PDE1C: variants seen among roughly 807,000 people sequenced by gnomAD.
The protein encoded by PDE1C is dual specificity calcium/calmodulin-dependent 3',5'-cyclic nucleotide phosphodiesterase 1C.
PDE1C carries 62 observed loss-of-function variants against 93.1 expected under a neutral mutation model. The observed-to-expected ratio is 0.67, with a 90% CI of 0.54 to 0.82. The LOEUF (loss-of-function observed/expected upper bound fraction) is 0.82, where lower values mean the gene tolerates loss of function less well. Ranked by LOEUF, PDE1C falls within the 40% of genes least tolerant of loss-of-function variation. The pLI, the probability that PDE1C is intolerant of heterozygous loss-of-function variation, is 0.00. For missense variants in PDE1C, 742 were observed against 884.6 expected (o/e 0.84, Z 2.04); for synonymous variants, 325 against 310.1 (o/e 1.05, Z -0.50).
At chr7:31,776,373 C>T (rs1001573903) in intron 16 of PDE1C, among the ~76,000 whole-genome samples, 2 of 151,954 alleles carry the variant, frequency 1.3e-5, no homozygotes, top group African/African-American at 2.4e-5. Flanking sequence ...TTCACAAATG[C>T]TAGTTTAGTG....
At chr7:32,146,694 T>A (rs1231968395) in intron 3 of PDE1C, among the ~76,000 whole-genome samples, 1 of 152,174 alleles carries the variant, frequency 6.6e-6, no homozygotes, top group Admixed American at 6.6e-5. Flanking sequence ...AGGGAGGAAT[T>A]ATTGTGCCAA....
At chr7:31,940,861 C>T (rs1805739258) in intron 2 of PDE1C, among the ~76,000 whole-genome samples, 2 of 152,106 alleles carry the variant, frequency 1.3e-5, no homozygotes, top group African/African-American at 4.8e-5. Flanking sequence ...CACACAGACC[C>T]TTCAAGTCAT....
intron 2 of PDE1C, among the ~76,000 whole-genome samples, chr7:31,937,499 G>C (rs1002336956): frequency 6.6e-6 from 1 of 152,088 alleles, no homozygotes; most frequent in African/African-American, 2.4e-5. Context: ...GGCATGTCCT[G>C]GTGCTCCCTT....
At chr7:31,973,407 C>A (rs1344558036) in intron 2 of PDE1C, among the ~76,000 whole-genome samples, 1 of 152,098 alleles carries the variant, frequency 6.6e-6, no homozygotes, top group African/African-American at 2.4e-5. Context: ...TAAAACACAT[C>A]ATAAGTAAAA....
intron 2 of PDE1C, among the ~76,000 whole-genome samples, chr7:31,902,893 T>C (rs965336628): frequency 6.6e-6 from 1 of 151,728 alleles, no homozygotes. Context: ...AGTTACCTGA[T>C]AGAGTCTACA....
At chr7:31,679,043 T>A in the PDE1C span, among the ~76,000 whole-genome samples, 1 of 152,188 alleles carries the variant, frequency 6.6e-6, no homozygotes, top group Non-Finnish European at 1.5e-5. Context: ...CCAATCCATA[T>A]CCAAATGAAC....
At chr7:31,682,899 GATTTA>G in the PDE1C span, among the ~76,000 whole-genome samples, 1 of 152,158 alleles carries the variant, frequency 6.6e-6, no homozygotes, top group Non-Finnish European at 1.5e-5. Flanking sequence ...TATACTGTAT[GATTTA>G]ATTTATATAA....
At chr7:31,736,048 T>A in the PDE1C span, among the ~76,000 whole-genome samples, 5 of 151,320 alleles carry the variant, frequency 3.3e-5, no homozygotes, top group African/African-American at 9.8e-5. Flanking sequence ...TTTTTGTGGA[T>A]TTTTTTTCCC....
chr7:32,339,285 T>C (rs1232336497), intron 1 of PDE1C, among the ~76,000 whole-genome samples: 2 of 152,188 alleles, frequency 1.3e-5, no homozygotes, highest in African/African-American at 4.8e-5. Context: ...TACTGTATTA[T>C]ACGATGAGCC....
intron 17 of PDE1C, among the ~76,000 whole-genome samples, chr7:31,766,995 T>C (rs7781789): frequency 0.31 from 47,719 of 152,084 alleles, 7,721 homozygotes; most frequent in Admixed American, 0.37. Context: ...TGTCTGTGGG[T>C]GCCATCTCTT....
At chr7:31,967,249 C>T (rs7795780) in intron 2 of PDE1C, among the ~76,000 whole-genome samples, 64,597 of 151,854 alleles carry the variant, frequency 0.43, 14,599 homozygotes, top group African/African-American at 0.57. Flanking sequence ...AAGAATCAAA[C>T]AGACGCAATA....
the PDE1C span, chr7:31,642,189 C>G: frequency 6.4e-7 from 1 of 1,560,636 alleles, no homozygotes; most frequent in Non-Finnish European, 8.7e-7. Flanking sequence ...CCAGGGTGGA[C>G]AGAGCAAATA....
At chr7:31,666,571 G>A in the PDE1C span, among the ~76,000 whole-genome samples, 1 of 152,120 alleles carries the variant, frequency 6.6e-6, no homozygotes, top group South Asian at 2.1e-4. Flanking sequence ...AAATCTGCTT[G>A]GTTTCTTAGG....
At chr7:31,617,335 A>ATAAG in the PDE1C span, among the ~76,000 whole-genome samples, 2 of 152,198 alleles carry the variant, frequency 1.3e-5, no homozygotes, top group African/African-American at 4.8e-5. Context: ...CTATTAAAGA[A>ATAAG]TAAGTGTTAA....
At chr7:31,803,311 G>C (rs543492561) in intron 16 of PDE1C, among the ~76,000 whole-genome samples, 146 of 151,912 alleles carry the variant, frequency 9.6e-4, no homozygotes, top group African/African-American at 3.4e-3. Context: ...ATGGGCTACA[G>C]TTATAAGAAC....
At chr7:31,895,361 A>C (rs187950020) in intron 2 of PDE1C, among the ~76,000 whole-genome samples, 3 of 152,242 alleles carry the variant, frequency 2.0e-5, no homozygotes, top group African/African-American at 7.2e-5. Context: ...GATGTCACTA[A>C]GACTTCCTGT....
chr7:31,719,647 G>GA, the PDE1C span, among the ~76,000 whole-genome samples: 1 of 152,092 alleles, frequency 6.6e-6, no homozygotes, highest in Non-Finnish European at 1.5e-5. Context: ...CACAATGCAT[G>GA]GCCGTGTGGC....
chr7:32,269,256 G>C (rs560246044), intron 1 of PDE1C, among the ~76,000 whole-genome samples: 2 of 149,466 alleles, frequency 1.3e-5, no homozygotes, highest in South Asian at 2.1e-4. Flanking sequence ...CTGAGCCAGG[G>C]GGGGTGAGAT....
chr7:31,926,275 G>A (rs1803367736), intron 2 of PDE1C, among the ~76,000 whole-genome samples: 1 of 152,108 alleles, frequency 6.6e-6, no homozygotes, highest in African/African-American at 2.4e-5. Context: ...CCTACTCAGA[G>A]ATTTGTAATG....
Sources: gnomAD v4.1 joint callset for allele counts (sites outside exome capture counted in the v4.1 genomes callset) on GRCh38, gnomAD v4.1.1 for gene constraint, MANE v1.5 for transcripts, NCBI Gene and HGNC (gene_info 2026-07-23, HGNC 2026-07-21) for gene names.